The following LHFPL3 variants were observed in gnomAD, a reference collection of about 807,000 sequenced individuals.
LHFPL3 encodes LHFPL tetraspan subfamily member 3.
Under a neutral mutation model 19.3 loss-of-function variants are expected in LHFPL3, and 5 were observed. The ratio of observed to expected loss-of-function variants is 0.26; its 90% CI spans 0.14 to 0.54. The LOEUF (loss-of-function observed/expected upper bound fraction) is 0.54, where lower values mean the gene tolerates loss of function less well. Ranked by LOEUF, LHFPL3 falls within the 20% of genes least tolerant of loss-of-function variation. The pLI is 0.94. For missense variants in LHFPL3, 249 were observed against 307.4 expected (o/e 0.81, Z 1.42); for synonymous variants, 133 against 126.2 (o/e 1.05, Z -0.36).
At chr7:104,624,899 G>C (rs1275594697) in intron 1 of LHFPL3, among the ~76,000 whole-genome samples, 1 of 152,198 alleles carries the variant, frequency 6.6e-6, no homozygotes, top group Non-Finnish European at 1.5e-5. Flanking sequence ...GAATAAATCT[G>C]AGTCCAGGTT....
chr7:104,450,971 C>T (rs1347785937), intron 1 of LHFPL3, among the ~76,000 whole-genome samples: 1 of 152,146 alleles, frequency 6.6e-6, no homozygotes, highest in Non-Finnish European at 1.5e-5. Flanking sequence ...ATGGATGTGG[C>T]TCCTACAAAC....
intron 1 of LHFPL3, among the ~76,000 whole-genome samples, chr7:104,487,135 G>T (rs987939515): frequency 6.6e-6 from 1 of 151,424 alleles, no homozygotes; most frequent in Non-Finnish European, 1.5e-5. Context: ...CATTTTTCTT[G>T]GAAAATGTGA....
At chr7:104,425,778 G>A (rs1791832982) in intron 1 of LHFPL3, among the ~76,000 whole-genome samples, 1 of 152,124 alleles carries the variant, frequency 6.6e-6, no homozygotes, top group South Asian at 2.1e-4. Context: ...AAGATGAGTT[G>A]GTGAAATTAT....
At chr7:104,726,314 A>T (rs1258854187) in intron 1 of LHFPL3, among the ~76,000 whole-genome samples, 2 of 146,642 alleles carry the variant, frequency 1.4e-5, no homozygotes, top group African/African-American at 5.0e-5. Flanking sequence ...TGCTATGTAT[A>T]CGATGATGGA....
intron 1 of LHFPL3, among the ~76,000 whole-genome samples, chr7:104,505,253 A>G (rs1793674430): frequency 6.6e-6 from 1 of 152,228 alleles, no homozygotes; most frequent in African/African-American, 2.4e-5. Context: ...TAACTCCATG[A>G]TTATATTCAA....
chr7:104,573,324 A>C (rs893238549), intron 1 of LHFPL3, among the ~76,000 whole-genome samples: 1 of 151,888 alleles, frequency 6.6e-6, no homozygotes, highest in Non-Finnish European at 1.5e-5. Flanking sequence ...AGGCACAAGA[A>C]TCACTTGAAC....
At chr7:104,627,674 C>T (rs1197512257) in intron 1 of LHFPL3, among the ~76,000 whole-genome samples, 2 of 152,126 alleles carry the variant, frequency 1.3e-5, no homozygotes, top group African/African-American at 4.8e-5. Flanking sequence ...GTGAAGATAC[C>T]ATCCCTGTCA....
At chr7:104,804,242 C>T (rs1048140009) in intron 2 of LHFPL3, 1 of 152,184 alleles carries the variant, frequency 6.6e-6, no homozygotes, top group Non-Finnish European at 1.5e-5. Context: ...TGCTGATTCG[C>T]CAGCTTAAGT....
chr7:104,682,215 A>C (rs917031443), intron 1 of LHFPL3, among the ~76,000 whole-genome samples: 1 of 152,198 alleles, frequency 6.6e-6, no homozygotes, highest in Non-Finnish European at 1.5e-5. Context: ...GTCAAAAAAA[A>C]GTAGAAAGTG....
chr7:104,695,750 T>C (rs1792985279), intron 1 of LHFPL3, among the ~76,000 whole-genome samples: 1 of 152,158 alleles, frequency 6.6e-6, no homozygotes, highest in South Asian at 2.1e-4. Context: ...AAATACAGCA[T>C]GTACCTAGCT....
chr7:104,550,072 G>A (rs1794639458), intron 1 of LHFPL3, among the ~76,000 whole-genome samples: 1 of 152,224 alleles, frequency 6.6e-6, no homozygotes, highest in Admixed American at 6.5e-5. Flanking sequence ...ACCTAGAAAA[G>A]AGTCCGTTTT....
intron 2 of LHFPL3, among the ~76,000 whole-genome samples, chr7:104,873,931 T>G (rs1480706406): frequency 6.6e-6 from 1 of 152,180 alleles, no homozygotes; most frequent in Non-Finnish European, 1.5e-5. Context: ...ATGGCAGAAA[T>G]GGTGGGGGCA....
intron 1 of LHFPL3, among the ~76,000 whole-genome samples, chr7:104,364,833 A>C (rs898298318): frequency 6.6e-6 from 1 of 152,366 alleles, no homozygotes; most frequent in African/African-American, 2.4e-5. Flanking sequence ...TAAATTTGGC[A>C]AAGTAAATAA....
chr7:104,632,793 C>T (rs1001505524), intron 1 of LHFPL3, among the ~76,000 whole-genome samples: 8 of 152,264 alleles, frequency 5.3e-5, no homozygotes, highest in East Asian at 1.9e-4. Context: ...ACTACAGGTG[C>T]GCAGCACCAC....
intron 2 of LHFPL3, among the ~76,000 whole-genome samples, chr7:104,794,291 A>C (rs1216782716): frequency 6.6e-6 from 1 of 152,212 alleles, no homozygotes; most frequent in Non-Finnish European, 1.5e-5. Flanking sequence ...CATCATTGGC[A>C]CATGATGAAT....
intron 1 of LHFPL3, among the ~76,000 whole-genome samples, chr7:104,543,865 T>C (rs980411352): frequency 3.6e-4 from 54 of 150,116 alleles, no homozygotes; most frequent in Admixed American, 8.6e-4. Context: ...TGTATACATA[T>C]GTAACAAACC....
chr7:104,368,079 G>A (rs1028804240), intron 1 of LHFPL3, among the ~76,000 whole-genome samples: 4 of 152,198 alleles, frequency 2.6e-5, no homozygotes, highest in Non-Finnish European at 5.9e-5. Flanking sequence ...TATCCATAGA[G>A]AGAAGTATTG....
At chr7:104,463,137 T>G (rs1199914365) in intron 1 of LHFPL3, among the ~76,000 whole-genome samples, 1 of 152,208 alleles carries the variant, frequency 6.6e-6, no homozygotes, top group African/African-American at 2.4e-5. Context: ...CTTTCTTCTT[T>G]ATTAGTCTAG....
chr7:104,383,538 T>C (rs1488377115), intron 1 of LHFPL3, among the ~76,000 whole-genome samples: 2 of 152,204 alleles, frequency 1.3e-5, no homozygotes, highest in African/African-American at 4.8e-5. Context: ...ACAGATTGAA[T>C]ACACAACACC....
Sources: allele counts gnomAD v4.1 joint callset (sites outside exome capture counted in the v4.1 genomes callset), GRCh38; gene constraint gnomAD v4.1.1; transcripts MANE v1.5; gene names NCBI Gene and HGNC (gene_info 2026-07-23, HGNC 2026-07-21).